The following CTNNA3 variants were observed in gnomAD, a reference collection of about 807,000 sequenced individuals.
CTNNA3 encodes the protein catenin alpha 3, also known as catenin alpha-3.
CTNNA3 carries 76 observed loss-of-function variants against 95.7 expected under a neutral mutation model. That is an observed-to-expected ratio of 0.79 (90% CI 0.66 to 0.96). The LOEUF is 0.96. Among genes scored for constraint, CTNNA3 ranks in the 40% least tolerant of loss-of-function variants. The pLI, the probability that CTNNA3 is intolerant of heterozygous loss-of-function variation, is 0.00. For missense variants in CTNNA3, 1,191 were observed against 1,089.8 expected (o/e 1.09, Z -1.31); for synonymous variants, 431 against 374.4 (o/e 1.15, Z -1.74).
chr10:66,186,799 T>C (rs930896244), intron 13 of CTNNA3, among the ~76,000 whole-genome samples: 5 of 152,114 alleles, frequency 3.3e-5, no homozygotes, highest in African/African-American at 1.2e-4. Flanking sequence ...CTTCCAAAAA[T>C]CTTCTTCTCC....
chr10:66,717,235 T>A (rs1206962952), intron 9 of CTNNA3, among the ~76,000 whole-genome samples: 1 of 152,116 alleles, frequency 6.6e-6, no homozygotes, highest in East Asian at 1.9e-4. Context: ...CCCCGCCATG[T>A]AAGCCAATTC....
At chr10:67,520,452 A>G (rs1450072194) in intron 5 of CTNNA3, among the ~76,000 whole-genome samples, 1 of 152,202 alleles carries the variant, frequency 6.6e-6, no homozygotes, top group African/African-American at 2.4e-5. Context: ...CCTCCATGGT[A>G]AAATATGGTT....
intron 12 of CTNNA3, among the ~76,000 whole-genome samples, chr10:66,368,751 C>A (rs763256675): frequency 1.3e-5 from 2 of 152,024 alleles, no homozygotes; most frequent in Admixed American, 6.6e-5. Flanking sequence ...AAGAGAAGTA[C>A]AATATTTTAA....
In CTNNA3 at chr10:67,273,067, T is replaced by C. The variant is rs574090704; in HGVS notation, c.580-53197A>G. Among the ~76,000 whole-genome samples the C allele has an allele frequency of 2.6e-5, 4 of 152,252 alleles. No individual in the cohort carries two copies. In the South Asian group the frequency reaches 8.3e-4, roughly 32 times the overall value. ...TACACAGTTTTCATCCTAGCCATCC[T>C]GTATCAGAGTTCTATCATTTATTAC... On this transcript the variant is annotated intron_variant, in intron 5 of 17. Transcript: ENST00000433211.
chr10:66,033,482 A>G (rs1251320801), intron 15 of CTNNA3, among the ~76,000 whole-genome samples: 1 of 151,518 alleles, frequency 6.6e-6, no homozygotes, highest in African/African-American at 2.4e-5. Context: ...TAAAATGCAT[A>G]TAAGTCTTCT....
Position 66,778,201 on chromosome 10 carries a change from CTTTTTA to C in CTNNA3, c.1048-2683_1048-2678del, listed in dbSNP as rs562505890. ...CACCTTTCTACTTTTTCACCTCCGGCTTTTTATTGGATCCTTGCTCTATTTATCTAG... is the reference window on the plus strand; with the variant it reads ...CACCTTTCTACTTTTTCACCTCCGGCTTGGATCCTTGCTCTATTTATCTAG... On this transcript the variant is annotated intron_variant, in intron 7 of 17. Transcript: ENST00000433211. Among the ~76,000 whole-genome samples, 4 of 152,236 alleles carry C rather than the reference CTTTTTA, an allele frequency of 2.6e-5. No homozygotes were observed. The South Asian group carries it at 8.3e-4, about 32-fold the overall frequency.
rs186864421 is a variant in CTNNA3, at chr10:66,846,277, T to G, written c.1048-70753A>C. Among the ~76,000 whole-genome samples the G allele has an allele frequency of 2.2e-3, 340 of 152,078 alleles. 2 individuals carry two copies. The highest frequency in any genetic ancestry group is 4.3e-3 in the Admixed American group (65 of 15,258). ...AAAAGTCAAACTCATAGAAGCAGAG[T>G]ATAGTGATGGTTGCCAGGGGCTAAG... On this transcript the variant is annotated intron_variant, in intron 7 of 17. Transcript: ENST00000433211.
chr10:67,082,918 T>G lies in CTNNA3; in HGVS notation c.1047+97399A>C, dbSNP rs541172324. Reference sequence around the variant, plus strand: ...ACTAGAAGCCACCCACCTCCTATATTAACTACATCAATGAAATTAAGTGCT... The same window carrying G: ...ACTAGAAGCCACCCACCTCCTATATGAACTACATCAATGAAATTAAGTGCT... On this transcript the variant is annotated intron_variant, in intron 7 of 17. Coordinates refer to ENST00000433211, the MANE Select transcript of CTNNA3 (RefSeq NM_013266.4). 2.6e-3 allele frequency among the ~76,000 whole-genome samples: 399 copies of G among 152,210 alleles called. 9 individuals carry two copies. The highest frequency in any genetic ancestry group is 0.024 in the Middle Eastern group (7 of 294).
intron 1 of CTNNA3, among the ~76,000 whole-genome samples, chr10:67,660,838 G>C (rs974584758): frequency 6.6e-6 from 1 of 151,904 alleles, no homozygotes; most frequent in Non-Finnish European, 1.5e-5. Flanking sequence ...GGCTGAGACA[G>C]GAGAATGGCT....
intron 7 of CTNNA3, among the ~76,000 whole-genome samples, chr10:67,153,423 T>C (rs1474569859): frequency 6.6e-6 from 1 of 152,246 alleles, no homozygotes; most frequent in Non-Finnish European, 1.5e-5. Context: ...ATCACAATTT[T>C]ATATACTTTA....
intron 10 of CTNNA3, among the ~76,000 whole-genome samples, chr10:66,603,987 T>C (rs114695274): frequency 6.6e-6 from 1 of 152,084 alleles, no homozygotes; most frequent in African/African-American, 2.4e-5. Context: ...TAGAAGACAA[T>C]ATTTGGAAAA....
chr10:66,563,270 C>G (rs1466944152), intron 10 of CTNNA3, among the ~76,000 whole-genome samples: 1 of 151,984 alleles, frequency 6.6e-6, no homozygotes, highest in African/African-American at 2.4e-5. Context: ...CACTGTTTTA[C>G]AAAAAGAGAA....
chr10:66,708,815 T>G (rs1467079848), intron 9 of CTNNA3, among the ~76,000 whole-genome samples: 5 of 152,180 alleles, frequency 3.3e-5, no homozygotes, highest in African/African-American at 1.2e-4. Flanking sequence ...AGCCTCTGCT[T>G]CCTTATCCAG....
chr10:66,321,507 A>G (rs1305033888), intron 12 of CTNNA3, among the ~76,000 whole-genome samples: 1 of 152,128 alleles, frequency 6.6e-6, no homozygotes, highest in East Asian at 1.9e-4. Flanking sequence ...CTGTTTTAGA[A>G]TCATTCAAGT....
chr10:67,463,942 T>C (rs1055655606), intron 5 of CTNNA3, among the ~76,000 whole-genome samples: 6 of 152,112 alleles, frequency 3.9e-5, no homozygotes, highest in Non-Finnish European at 8.8e-5. Context: ...CCTTCCTACC[T>C]CCTTCTACCC....
At chr10:66,442,717 C>A (rs1315669171) in intron 11 of CTNNA3, among the ~76,000 whole-genome samples, 1 of 152,194 alleles carries the variant, frequency 6.6e-6, no homozygotes, top group Non-Finnish European at 1.5e-5. Flanking sequence ...CGGTCTACAG[C>A]TCCCAGCGTG....
intron 5 of CTNNA3, among the ~76,000 whole-genome samples, chr10:67,368,017 T>G (rs1404411975): frequency 1.3e-5 from 2 of 152,072 alleles, no homozygotes; most frequent in Non-Finnish European, 2.9e-5. Context: ...AACCTGCGCA[T>G]GTACCCCTTG....
chr10:66,114,545 G>A (rs1346025818), intron 13 of CTNNA3, among the ~76,000 whole-genome samples: 1 of 151,356 alleles, frequency 6.6e-6, no homozygotes, highest in Non-Finnish European at 1.5e-5. Context: ...AACTCATATT[G>A]TCCGTGTATG....
intron 7 of CTNNA3, among the ~76,000 whole-genome samples, chr10:66,858,216 A>C (rs879189622): frequency 6.6e-6 from 1 of 152,026 alleles, no homozygotes; most frequent in Non-Finnish European, 1.5e-5. Flanking sequence ...ATTGATTTGC[A>C]TATGTTGAAC....
Sources: allele counts gnomAD v4.1 joint callset (sites outside exome capture counted in the v4.1 genomes callset), GRCh38; gene constraint gnomAD v4.1.1; transcripts MANE v1.5; gene names NCBI Gene and HGNC (gene_info 2026-07-23, HGNC 2026-07-21).